The following PIK3C3 variants were observed in gnomAD, a reference collection of about 807,000 sequenced individuals.
The protein encoded by PIK3C3 is phosphatidylinositol 3-kinase catalytic subunit type 3, also known as PI3-kinase type 3.
In PIK3C3, 95 loss-of-function variants were observed where a neutral mutation model predicts 126.1. That is an observed-to-expected ratio of 0.75 (90% CI 0.64 to 0.89). PIK3C3 has a LOEUF of 0.89. Ranked by LOEUF, PIK3C3 falls within the 40% of genes least tolerant of loss-of-function variation. The pLI is 0.00. For missense variants in PIK3C3, 829 were observed against 1,063.2 expected, an observed-to-expected ratio of 0.78 and a Z score of 3.06; for synonymous variants, 374 against 360.0, an observed-to-expected ratio of 1.04 and a Z score of -0.44.
At chr18:41,961,997 G>T (rs1461345669) in intron 2 of PIK3C3, among the ~76,000 whole-genome samples, 2 of 152,136 alleles carry the variant, frequency 1.3e-5, no homozygotes, top group Non-Finnish European at 2.9e-5. Flanking sequence ...GTCTGGAGCA[G>T]TCTGGTAACT....
At chr18:42,053,007 G>C (rs1272207943) in intron 21 of PIK3C3, 1 of 152,128 alleles carries the variant, frequency 6.6e-6, no homozygotes, top group East Asian at 1.9e-4. Flanking sequence ...TTCTGCTTTA[G>C]ATTAAAGTGG....
intron 9 of PIK3C3, among the ~76,000 whole-genome samples, chr18:41,999,367 CATGCCTTTTGATT>C (rs1982174769): frequency 6.6e-6 from 1 of 152,060 alleles, no homozygotes; most frequent in Non-Finnish European, 1.5e-5. Context: ...AAATTAACTC[CATGCCTTTTGATT>C]ATGCTTGGGG....
At position 42,033,965 on chromosome 18, in the gene PIK3C3, T is replaced by C. The variant is rs1355586092; in HGVS notation, c.1839+8T>C. ...ACAGCTACACTGTTTAAAGTAATTG[T>C]GATGGATATTTAATGTGTATGATTG... On this transcript the variant is annotated splice_region_variant and intron_variant, in intron 16 of 24. Coordinates refer to ENST00000262039, the MANE Select transcript of PIK3C3 (RefSeq NM_002647.4). 1 of 1,575,742 alleles carries C rather than the reference T, an allele frequency of 6.3e-7. No individual in the cohort carries two copies. The highest frequency in any genetic ancestry group is 1.9e-5 in the Admixed American group (1 of 52,982).
intron 3 of PIK3C3, among the ~76,000 whole-genome samples, chr18:41,964,694 T>C (rs1189969487): frequency 6.6e-5 from 10 of 152,138 alleles, no homozygotes; most frequent in Admixed American, 6.5e-4. Flanking sequence ...GGCAGATACA[T>C]TTTAATATTT....
chr18:41,988,372 C>T (rs1435855509), intron 5 of PIK3C3, among the ~76,000 whole-genome samples: 2 of 152,036 alleles, frequency 1.3e-5, no homozygotes, highest in Non-Finnish European at 2.9e-5. Context: ...TTTTTCTTGA[C>T]CTTGTATGTG....
At chr18:42,080,564 G>T (rs1986212322) in intron 24 of PIK3C3, among the ~76,000 whole-genome samples, 2 of 152,146 alleles carry the variant, frequency 1.3e-5, no homozygotes, top group Admixed American at 1.3e-4. Context: ...GCCAAACAAA[G>T]AAATCTTCGT....
At chr18:42,037,066 A>G (rs141993746) in intron 16 of PIK3C3, among the ~76,000 whole-genome samples, 223 of 152,318 alleles carry the variant, frequency 1.5e-3, no homozygotes, top group Middle Eastern at 0.01. Context: ...TCACAGCCCT[A>G]AAATATTTTA....
chr18:41,999,179 A>C (rs1237824040), intron 9 of PIK3C3, among the ~76,000 whole-genome samples: 1 of 152,064 alleles, frequency 6.6e-6, no homozygotes, highest in East Asian at 1.9e-4. Flanking sequence ...ATTTGTTACC[A>C]TTTAAATTTA....
intron 9 of PIK3C3, among the ~76,000 whole-genome samples, chr18:41,999,052 TTG>T (rs1188226053): frequency 6.6e-6 from 1 of 152,142 alleles, no homozygotes; most frequent in Non-Finnish European, 1.5e-5. Flanking sequence ...TAATTAAATT[TTG>T]TCTTTCTACC....
chr18:42,006,562 T>G (rs1485739660), intron 10 of PIK3C3, among the ~76,000 whole-genome samples: 1 of 152,080 alleles, frequency 6.6e-6, no homozygotes, highest in Admixed American at 6.6e-5. Context: ...AAAAGTTACC[T>G]CATGAACATA....
intron 4 of PIK3C3, among the ~76,000 whole-genome samples, chr18:41,979,007 A>G (rs1568119251): frequency 7.1e-6 from 1 of 140,050 alleles, no homozygotes; most frequent in Non-Finnish European, 1.5e-5. Context: ...AGGCAGGAGG[A>G]TTGCTTGAGT....
intron 4 of PIK3C3, 155 bp downstream of exon 4, chr18:41,970,611 G>T (rs1382684561): frequency 1.4e-6 from 1 of 717,142 alleles, no homozygotes; most frequent in Non-Finnish European, 2.4e-6. Context: ...ATACCATAAA[G>T]TTCACCCTTG....
chr18:42,028,442 C>T (rs1004297239), intron 14 of PIK3C3, among the ~76,000 whole-genome samples: 7 of 152,242 alleles, frequency 4.6e-5, no homozygotes, highest in South Asian at 2.1e-4. Context: ...GCAAGGGCAG[C>T]GAAAAGAAAG....
intron 23 of PIK3C3, 133 bp downstream of exon 23, chr18:42,064,963 TTC>T: frequency 1.7e-6 from 1 of 572,180 alleles, no homozygotes; most frequent in Non-Finnish European, 3.2e-6. Context: ...CATGAATAGG[TTC>T]TCTCATCTGG....
chr18:42,050,733 A>T (rs1157125370), intron 21 of PIK3C3: 1 of 152,228 alleles, frequency 6.6e-6, no homozygotes, highest in Non-Finnish European at 1.5e-5. Flanking sequence ...CAAACAATAT[A>T]TGTTGCCTAA....
Position 41,986,064 on chromosome 18 carries a change from C to G in PIK3C3, c.532-1748C>G, listed in dbSNP as rs560530768. 6.6e-5 allele frequency among the ~76,000 whole-genome samples: 10 copies of G among 152,196 alleles called. No individual in the cohort carries two copies. The South Asian group carries it at 2.1e-3, about 32-fold the overall frequency. On this transcript the variant is annotated intron_variant, in intron 4 of 24. Coordinates refer to ENST00000262039, the MANE Select transcript of PIK3C3 (RefSeq NM_002647.4). Reference sequence around the variant, plus strand: ...ACAGAATTGAGTTTCACTTAAAGCTCTTAGTACATCAGTAGAGAGGATAGC... The same window carrying G: ...ACAGAATTGAGTTTCACTTAAAGCTGTTAGTACATCAGTAGAGAGGATAGC...
intron 4 of PIK3C3, among the ~76,000 whole-genome samples, chr18:41,984,687 T>C (rs1981377207): frequency 6.6e-6 from 1 of 152,120 alleles, no homozygotes; most frequent in South Asian, 2.1e-4. Context: ...GAGCTGACTT[T>C]GCCATCTCTA....
chr18:42,007,013 G>A (rs1057262173), intron 10 of PIK3C3, among the ~76,000 whole-genome samples: 72 of 151,972 alleles, frequency 4.7e-4, no homozygotes, highest in African/African-American at 1.5e-3. Flanking sequence ...GCAGGTGCCC[G>A]CCACCACCCC....
At chr18:42,076,131 T>TGCAC (rs1568013634) in intron 24 of PIK3C3, among the ~76,000 whole-genome samples, 6 of 83,478 alleles carry the variant, frequency 7.2e-5, no homozygotes, top group East Asian at 3.9e-4. Context: ...TGCGCATATA[T>TGCAC]ATATATATAT....
Sources: allele counts gnomAD v4.1 joint callset (sites outside exome capture counted in the v4.1 genomes callset), GRCh38; gene constraint gnomAD v4.1.1; transcripts MANE v1.5; gene names NCBI Gene and HGNC (gene_info 2026-07-23, HGNC 2026-07-21).